Variants in ABCA5 observed in about 807,000 individuals in gnomAD.
ABCA5 encodes the protein ATP binding cassette subfamily A member 5, also known as cholesterol transporter ABCA5.
A neutral mutation model predicts 206.0 loss-of-function variants in ABCA5; 163 were observed. The ratio of observed to expected loss-of-function variants is 0.79; its 90% CI spans 0.70 to 0.90. ABCA5 has a LOEUF of 0.90. Among genes scored for constraint, ABCA5 ranks in the 40% least tolerant of loss-of-function variants. ABCA5 has a pLI of 0.00. For synonymous variants in ABCA5, 609 were observed against 613.8 expected, an observed-to-expected ratio of 0.99 and a Z score of 0.11; for missense variants, 1,859 against 1,912.9, an observed-to-expected ratio of 0.97 and a Z score of 0.53.
chr17:69,258,832 A>G (rs934494982), intron 28 of ABCA5, among the ~76,000 whole-genome samples: 4 of 152,144 alleles, frequency 2.6e-5, no homozygotes, highest in African/African-American at 9.6e-5. Context: ...CGAAAAGACA[A>G]AAGTTGAGGA....
chr17:69,291,221 G>A lies in ABCA5; in HGVS notation c.1601C>T (p.Ser534Phe). Residue 534 changes from serine (S) to phenylalanine (F), a missense_variant, in exon 12 of 39, where the codon TCT becomes TTT. Transcript: ENST00000392676. ...CTTTAAGACAGAAAACTCACCATCAGAAGGTGGGCAGAGTCCACAAAGAAT... is the reference window on the plus strand; with the variant it reads ...CTTTAAGACAGAAAACTCACCATCAAAAGGTGGGCAGAGTCCACAAAGAAT... ...MNILCGLCPPSDGFASIYGHR... is the reference protein window; with the variant it reads ...MNILCGLCPPFDGFASIYGHR... The A allele has an allele frequency of 1.3e-6, 2 of 1,577,974 alleles. No homozygotes were observed. Among genetic ancestry groups the A allele is most frequent in the Non-Finnish European group, 1.7e-6 (2 of 1,160,466 alleles).
intron 23 of ABCA5, among the ~76,000 whole-genome samples, chr17:69,265,869 A>C (rs1251919762): frequency 6.6e-6 from 1 of 152,198 alleles, no homozygotes; most frequent in African/African-American, 2.4e-5. Context: ...CATCTTGGAA[A>C]ATAATTTGGC....
chr17:69,289,143 A>G, intron 14 of ABCA5, 34 bp downstream of exon 14: 1 of 1,578,090 alleles, frequency 6.3e-7, no homozygotes, highest in Non-Finnish European at 8.6e-7. Flanking sequence ...CATAATTTAA[A>G]ATGAGCTCAT....
At chr17:69,286,342 A>G (rs750351340) in intron 15 of ABCA5, 31 bp from the exon 16 acceptor site, 4 of 1,557,910 alleles carry the variant, frequency 2.6e-6, no homozygotes, top group East Asian at 4.5e-5. Context: ...TTCAATTTCT[A>G]AAGTATCAAC....
chr17:69,277,515 A>G (rs2075346948), intron 19 of ABCA5, 126 bp downstream of exon 19: 3 of 687,562 alleles, frequency 4.4e-6, no homozygotes, highest in Admixed American at 3.9e-5. Flanking sequence ...GTGAAATTAC[A>G]GTGGTAATCT....
At chr17:69,285,868 A>C (rs777062161) in intron 17 of ABCA5, 30 bp downstream of exon 17, 4 of 1,588,396 alleles carry the variant, frequency 2.5e-6, no homozygotes, top group African/African-American at 2.7e-5. Flanking sequence ...ATCCCAGTTC[A>C]AACACCAAGA....
At chr17:69,261,772 A>G (rs2075150446) in intron 24 of ABCA5, 24 bp from the exon 25 acceptor site, 1 of 1,071,720 alleles carries the variant, frequency 9.3e-7, no homozygotes, top group Non-Finnish European at 1.3e-6. Context: ...ATATGTTTCT[A>G]TAAAAATATG....
Position 69,249,909 on chromosome 17 carries a change from T to G in ABCA5, c.4761A>C (p.Glu1587Asp), listed in dbSNP as rs141155276. 1 of 1,559,644 alleles carries G rather than the reference T, an allele frequency of 6.4e-7. No individual in the cohort carries two copies. Among genetic ancestry groups the G allele is most frequent in the East Asian group, 2.3e-5 (1 of 44,124 alleles). The stretch of plus-strand genomic sequence containing the variant: ...AAAATAGAAGATACTACTTACCTTC[T>G]TCCAGCTTAAAAAAAGATTGTGAAA... ...QSLSQSFFKL[E>D]EAKHAFAIEE... The change falls in exon 37 of 39, where the codon GAA becomes GAC. Residue 1587 changes from glutamate (E) to aspartate (D), a missense_variant. By Grantham distance (45) the Glu-to-Asp change is conservative. Transcript: ENST00000392676.
intron 37 of ABCA5, 22 bp downstream of exon 37, chr17:69,249,883 C>A: frequency 6.5e-7 from 1 of 1,549,082 alleles, no homozygotes. Context: ...TTTTATAAGC[C>A]AAAATAGAAG....
intron 31 of ABCA5, 29 bp downstream of exon 31, chr17:69,255,514 A>G (rs1488124868): frequency 7.7e-7 from 1 of 1,301,580 alleles, no homozygotes; most frequent in Non-Finnish European, 1.0e-6. Context: ...AATCACATTC[A>G]ACATATCCTA....
chr17:69,310,322 G>A (rs1279060552), intron 3 of ABCA5, among the ~76,000 whole-genome samples: 1 of 151,908 alleles, frequency 6.6e-6, no homozygotes. Context: ...TTTAATTTTG[G>A]TAGAAATGAG....
At chr17:69,272,130 T>G (rs1049375250) in intron 20 of ABCA5, among the ~76,000 whole-genome samples, 4 of 152,276 alleles carry the variant, frequency 2.6e-5, no homozygotes, top group Admixed American at 1.3e-4. Flanking sequence ...GCACTAGATC[T>G]CAGTGTCATA....
chr17:69,318,548 C>CT (rs1468324492), intron 1 of ABCA5, among the ~76,000 whole-genome samples: 4 of 151,824 alleles, frequency 2.6e-5, no homozygotes, highest in African/African-American at 9.7e-5. Context: ...TTTCTTCATG[C>CT]TTTTTTTCTA....
rs1212951083 is a variant in ABCA5 at position 69,261,693 on chromosome 17, G to C, written c.3371C>G (p.Ser1124Cys). Residue 1124 changes from serine to cysteine, a missense_variant, in exon 25 of 39, where the codon TCT becomes TGT. Ser to Cys is a moderately radical substitution (Grantham distance 112). Coordinates refer to ENST00000392676, the MANE Select transcript of ABCA5 (RefSeq NM_172232.4). ...ATTTAAAATTTTCTTAAAGGTGAAA[G>C]AAGCAATATAAGTGAACAGAATAAC... ...PSVILFTYIA[S>C]FTFKKILNTK... The C allele has an allele frequency of 6.6e-7, 1 of 1,521,990 alleles. No individual in the cohort carries two copies. The highest frequency in any genetic ancestry group is 8.8e-7 in the Non-Finnish European group (1 of 1,132,700). The allele number at this position is 1,521,990 out of a possible 1,614,324, so 94.3% of individuals were successfully genotyped here. A position where few individuals can be genotyped will look rare whatever the true frequency, so the allele number is the denominator to read the frequency against.
At chr17:69,280,223 G>T (rs1048119927) in intron 18 of ABCA5, among the ~76,000 whole-genome samples, 4 of 152,150 alleles carry the variant, frequency 2.6e-5, no homozygotes, top group African/African-American at 9.7e-5. Flanking sequence ...AGTGGGCAAA[G>T]GACATAAACA....
intron 18 of ABCA5, among the ~76,000 whole-genome samples, chr17:69,279,122 T>C (rs12947986): frequency 0.39 from 59,586 of 151,438 alleles, 12,578 homozygotes; most frequent in Middle Eastern, 0.51. Context: ...GACATGATTG[T>C]ATATCTAGAA....
intron 19 of ABCA5, among the ~76,000 whole-genome samples, chr17:69,276,054 C>T (rs2075327890): frequency 7.7e-6 from 1 of 130,308 alleles, no homozygotes; most frequent in South Asian, 2.3e-4. Flanking sequence ...TCATGGCAGT[C>T]AAAGCTGACT....
chr17:69,319,314 A>G (rs1170688643), intron 1 of ABCA5, among the ~76,000 whole-genome samples: 2 of 152,200 alleles, frequency 1.3e-5, no homozygotes, highest in African/African-American at 4.8e-5. Flanking sequence ...TGAATGTTGG[A>G]TGCTTAACTC....
At chr17:69,254,016 A>T in intron 32 of ABCA5, 147 bp from the exon 33 acceptor site, 1 of 640,570 alleles carries the variant, frequency 1.6e-6, no homozygotes, top group Non-Finnish European at 2.6e-6. Context: ...TCTCCAATTT[A>T]CATCATTTTA....
Sources: allele counts gnomAD v4.1 joint callset (sites outside exome capture counted in the v4.1 genomes callset), GRCh38; gene constraint gnomAD v4.1.1; transcripts MANE v1.5; gene names NCBI Gene and HGNC (gene_info 2026-07-23, HGNC 2026-07-21).